The following GALNT13 variants were observed in gnomAD, a reference collection of about 807,000 sequenced individuals.
The protein encoded by GALNT13 is polypeptide N-acetylgalactosaminyltransferase 13, also known as UDP-GalNAc:polypeptide N-acetylgalactosaminyltransferase 13.
In GALNT13, 28 loss-of-function variants were observed where a neutral mutation model predicts 64.2. The ratio of observed to expected loss-of-function variants is 0.44; its 90% CI spans 0.32 to 0.60. The LOEUF (loss-of-function observed/expected upper bound fraction) is 0.60. Ranked by LOEUF, GALNT13 falls within the 20% of genes least tolerant of loss-of-function variation. GALNT13 has a pLI of 0.05. For synonymous variants in GALNT13, 214 were observed against 224.6 expected (o/e 0.95, Z 0.42); for missense variants, 577 against 669.8 (o/e 0.86, Z 1.53).
At chr2:154,006,204 A>G (rs1696239278) in intron 3 of GALNT13, among the ~76,000 whole-genome samples, 1 of 152,206 alleles carries the variant, frequency 6.6e-6, no homozygotes, top group Non-Finnish European at 1.5e-5. Context: ...TGGAAGTTGC[A>G]TTTATTAATG....
the GALNT13 span, among the ~76,000 whole-genome samples, chr2:153,460,553 G>A: frequency 8.2e-4 from 124 of 152,028 alleles, no homozygotes; most frequent in Middle Eastern, 3.4e-3. Context: ...ACCTAAAATT[G>A]GATTTATACC....
At chr2:153,593,718 T>C in the GALNT13 span, among the ~76,000 whole-genome samples, 1 of 152,136 alleles carries the variant, frequency 6.6e-6, no homozygotes, top group South Asian at 2.1e-4. Context: ...ACAAATTCCT[T>C]AAAAAATTAT....
At chr2:153,160,948 C>G in the GALNT13 span, among the ~76,000 whole-genome samples, 1 of 152,280 alleles carries the variant, frequency 6.6e-6, no homozygotes, top group South Asian at 2.1e-4. Context: ...AGAATGACTG[C>G]AGGCTCTTTA....
Position 154,206,523 on chromosome 2 carries a change from G to A in GALNT13, c.312-35507G>A, listed in dbSNP as rs187218595. Among the ~76,000 whole-genome samples the A allele has an allele frequency of 3.5e-3, 526 of 151,864 alleles. 6 individuals are homozygous for A. Among genetic ancestry groups the A allele is most frequent in the African/African-American group, 0.012 (512 of 41,408 alleles). ...TACAAGAGGAACGGGGGTCGGGCGC[G>A]GTGGCTCACGCCTGTAAACCTAGCA... On this transcript the variant is annotated intron_variant, in intron 4 of 12. Transcript: ENST00000392825.
intron 8 of GALNT13, among the ~76,000 whole-genome samples, chr2:154,279,535 C>T (rs1691844309): frequency 6.6e-6 from 1 of 152,110 alleles, no homozygotes; most frequent in Non-Finnish European, 1.5e-5. Flanking sequence ...GCTTCTTCAA[C>T]AAGCATTTGA....
At chr2:153,890,460 T>G (rs2105265821) in intron 1 of GALNT13, among the ~76,000 whole-genome samples, 1 of 152,090 alleles carries the variant, frequency 6.6e-6, no homozygotes, top group South Asian at 2.1e-4. Context: ...AATTCTGATC[T>G]CATACACAAT....
chr2:154,111,911 C>T (rs920300089), intron 3 of GALNT13, among the ~76,000 whole-genome samples: 3 of 152,140 alleles, frequency 2.0e-5, no homozygotes, highest in Non-Finnish European at 4.4e-5. Flanking sequence ...AGCATGAGCC[C>T]ACTGCCACAA....
At chr2:154,365,617 A>T (rs1697323486) in intron 9 of GALNT13, among the ~76,000 whole-genome samples, 1 of 152,226 alleles carries the variant, frequency 6.6e-6, no homozygotes, top group East Asian at 1.9e-4. Flanking sequence ...TGACAAGATC[A>T]TCCTATAGAT....
chr2:154,050,629 A>AAAT (rs1292640774), intron 3 of GALNT13, among the ~76,000 whole-genome samples: 1 of 152,160 alleles, frequency 6.6e-6, no homozygotes, highest in Admixed American at 6.6e-5. Context: ...AATAATATGA[A>AAAT]AATATAAATA....
chr2:154,118,091 G>C (rs1458096999), intron 3 of GALNT13, among the ~76,000 whole-genome samples: 1 of 152,120 alleles, frequency 6.6e-6, no homozygotes, highest in African/African-American at 2.4e-5. Flanking sequence ...TTTATAAGTA[G>C]AGTATTGAAA....
intron 4 of GALNT13, among the ~76,000 whole-genome samples, chr2:154,156,170 T>C (rs1248617008): frequency 6.6e-6 from 1 of 152,036 alleles, no homozygotes; most frequent in African/African-American, 2.4e-5. Flanking sequence ...TAAGATAGTG[T>C]TCTATCTTCA....
the GALNT13 span, among the ~76,000 whole-genome samples, chr2:153,652,940 A>G: frequency 1.8e-4 from 28 of 152,266 alleles, no homozygotes; most frequent in African/African-American, 6.7e-4. Context: ...GTAGCTGTTC[A>G]TAATAAAAAT....
At chr2:154,243,083 CATAG>C (rs747379428) in intron 6 of GALNT13, among the ~76,000 whole-genome samples, 178 bp downstream of exon 6, 31 of 152,098 alleles carry the variant, frequency 2.0e-4, no homozygotes, top group Non-Finnish European at 4.3e-4. Context: ...TCATGCTGGA[CATAG>C]ATAGTTGATT....
At chr2:154,102,491 G>A (rs1480330816) in intron 3 of GALNT13, among the ~76,000 whole-genome samples, 1 of 152,138 alleles carries the variant, frequency 6.6e-6, no homozygotes, top group Non-Finnish European at 1.5e-5. Flanking sequence ...AAAGGCATGA[G>A]AATAGTATAA....
At chr2:154,272,959 G>A (rs569781163) in intron 8 of GALNT13, among the ~76,000 whole-genome samples, 1 of 152,066 alleles carries the variant, frequency 6.6e-6, no homozygotes, top group Admixed American at 6.6e-5. Flanking sequence ...AGCTACAACT[G>A]CCATTAAATT....
At chr2:154,099,310 G>T (rs1285573638) in intron 3 of GALNT13, among the ~76,000 whole-genome samples, 1 of 152,002 alleles carries the variant, frequency 6.6e-6, no homozygotes, top group Non-Finnish European at 1.5e-5. Context: ...GGAAATTCTG[G>T]ATATTACTCT....
At chr2:153,195,780 A>G in the GALNT13 span, among the ~76,000 whole-genome samples, 1 of 152,192 alleles carries the variant, frequency 6.6e-6, no homozygotes, top group Non-Finnish European at 1.5e-5. Flanking sequence ...TGCAACCAGG[A>G]AGAATGAGCT....
At chr2:154,446,974 G>GTT (rs762186190) in intron 12 of GALNT13, among the ~76,000 whole-genome samples, 1 of 118,194 alleles carries the variant, frequency 8.5e-6, no homozygotes, top group Non-Finnish European at 2.0e-5. Flanking sequence ...AATGAGTAGG[G>GTT]GTTTTTTTGT....
intron 11 of GALNT13, among the ~76,000 whole-genome samples, chr2:154,416,839 A>G (rs528751031): frequency 6.6e-6 from 1 of 152,188 alleles, no homozygotes; most frequent in East Asian, 1.9e-4. Context: ...GATTCTTCAC[A>G]TTTTATTTTT....
Sources: allele counts gnomAD v4.1 joint callset (sites outside exome capture counted in the v4.1 genomes callset), GRCh38; gene constraint gnomAD v4.1.1; transcripts MANE v1.5; gene names NCBI Gene and HGNC (gene_info 2026-07-23, HGNC 2026-07-21).